Variants in MTCL1 observed in about 807,000 individuals in gnomAD.
MTCL1 encodes microtubule crosslinking factor 1.
A neutral mutation model predicts 141.4 loss-of-function variants in MTCL1; 79 were observed. The observed-to-expected ratio is 0.56, with a 90% CI of 0.47 to 0.67. The LOEUF (loss-of-function observed/expected upper bound fraction) is 0.67. Among genes scored for constraint, MTCL1 ranks in the 30% least tolerant of loss-of-function variants. The probability of loss-of-function intolerance (pLI) is 0.00; values close to 1 mark genes in which losing one functional copy is unlikely to be tolerated. For missense variants in MTCL1, 2,177 were observed against 2,113.9 expected (o/e 1.03, Z -0.59); for synonymous variants, 914 against 875.8 (o/e 1.04, Z -0.77).
At chr18:8,802,801 T>C (rs904322560) in intron 10 of MTCL1, among the ~76,000 whole-genome samples, 2 of 152,226 alleles carry the variant, frequency 1.3e-5, no homozygotes, top group Non-Finnish European at 2.9e-5. Context: ...ATCAGCCAGC[T>C]GATCTCTGAA....
chr18:8,756,033 A>T (rs979411727), intron 4 of MTCL1, among the ~76,000 whole-genome samples: 1 of 152,204 alleles, frequency 6.6e-6, no homozygotes, highest in Admixed American at 6.5e-5. Context: ...GCTACTCAGG[A>T]GGCTGAGGTG....
intron 4 of MTCL1, among the ~76,000 whole-genome samples, chr18:8,775,408 T>TA (rs780102071): frequency 0.042 from 3,948 of 92,914 alleles, 179 homozygotes; most frequent in African/African-American, 0.12. Context: ...TCGTCTCTAC[T>TA]AAAAAAAAAA....
At chr18:8,718,769 T>C in intron 3 of MTCL1, 121 bp downstream of exon 2, 1 of 887,712 alleles carries the variant, frequency 1.1e-6, no homozygotes, top group South Asian at 1.5e-5. Flanking sequence ...GCATAAACAG[T>C]CTTGGTTTGC....
chr18:8,792,428 G>A lies in MTCL1; in HGVS notation c.1888-570G>A, dbSNP rs570766773. ...ATGTGCCGTTGGGAGGCCTGAAGCC[G>A]TGCATCTCTGCTCATTGATGAACCC... On this transcript the variant is annotated intron_variant, in intron 7 of 16. Coordinates refer to ENST00000359865, the Ensembl canonical transcript of MTCL1. 9.2e-5 allele frequency among the ~76,000 whole-genome samples: 14 copies of A among 152,326 alleles called. 1 individual carries two copies. The highest frequency in any genetic ancestry group is 3.4e-4 in the African/African-American group (14 of 41,560).
chr18:8,762,415 T>G (rs567755122), intron 4 of MTCL1, among the ~76,000 whole-genome samples: 2 of 152,370 alleles, frequency 1.3e-5, no homozygotes, highest in South Asian at 4.1e-4. Context: ...CTGCCGCGAC[T>G]GCTCTCAGCC....
chr18:8,825,154 C>G (rs752665841), exon 15 of MTCL1: 11 of 1,583,180 alleles, frequency 6.9e-6, no homozygotes, highest in South Asian at 3.5e-5. Context: ...GGTCCCTTTC[C>G]CACAAGCAGA....
At chr18:8,781,792 G>A (rs1263258297) in intron 5 of MTCL1, among the ~76,000 whole-genome samples, 1 of 152,210 alleles carries the variant, frequency 6.6e-6, no homozygotes, top group African/African-American at 2.4e-5. Flanking sequence ...TAGACAGTAG[G>A]AGGGGCAAAG....
Position 8,828,320 on chromosome 18 carries a change from A to G in MTCL1, c.4723-588A>G, listed in dbSNP as rs1228580282. 6.6e-6 allele frequency among the ~76,000 whole-genome samples: 1 copy of G among 151,754 alleles called. No homozygotes were observed. Among genetic ancestry groups the G allele is most frequent in the South Asian group, 2.1e-4 (1 of 4,774 alleles). On this transcript the variant is annotated intron_variant, in intron 15 of 16. Coordinates refer to ENST00000359865, the Ensembl canonical transcript of MTCL1. The surrounding 1 kb of genome is among the most constrained non-coding windows in gnomAD (Gnocchi z 5.2). ...TCACTGCACTGTCATCCCATAAGCC[A>G]CTCGGGCCTCTTTTTCTCTTGACAC...
intron 10 of MTCL1, chr18:8,800,849 T>A (rs1269000911): frequency 6.6e-6 from 1 of 150,460 alleles, no homozygotes. Context: ...TTAACTGATT[T>A]GAAAAGAAGT....
chr18:8,772,153 G>T (rs1427250410), intron 4 of MTCL1, among the ~76,000 whole-genome samples: 1 of 152,326 alleles, frequency 6.6e-6, no homozygotes, highest in East Asian at 1.9e-4. Context: ...CTTGGCCAGG[G>T]GACCATATGC....
intron 2 of MTCL1, chr18:8,718,042 C>G: frequency 3.4e-6 from 3 of 883,680 alleles, no homozygotes; most frequent in Non-Finnish European, 4.2e-6. Flanking sequence ...CCGTATGATT[C>G]ATCTTAGTAC....
rs563929530 is a variant in MTCL1, at chr18:8,729,390, G to C, written c.357+8894G>C. Among the ~76,000 whole-genome samples, 20 of 151,712 alleles carry C rather than the reference G, an allele frequency of 1.3e-4. No homozygotes were observed. In the South Asian group the frequency reaches 2.3e-3, roughly 17 times the overall value. On this transcript the variant is annotated intron_variant, in intron 4 of 16. Transcript: ENST00000359865. ...CATTGTTGAGTTTTGAGAGTTCTTT[G>C]TACATTAAGTTAATTAATTAAAATT...
At chr18:8,778,996 A>G (rs931858942) in intron 5 of MTCL1, among the ~76,000 whole-genome samples, 8 of 152,184 alleles carry the variant, frequency 5.3e-5, no homozygotes, top group African/African-American at 1.9e-4. Flanking sequence ...CCGCCCACCC[A>G]GCCGGTGGGA....
At chr18:8,781,833 A>G (rs1429253717) in intron 5 of MTCL1, among the ~76,000 whole-genome samples, 1 of 152,316 alleles carries the variant, frequency 6.6e-6, no homozygotes, top group Admixed American at 6.5e-5. Context: ...TTTGACCCCA[A>G]GTCCAGCAGG....
chr18:8,783,764 G>C (rs199804867), exon 6 of MTCL1: 4 of 1,612,888 alleles, frequency 2.5e-6, no homozygotes, highest in Non-Finnish European at 3.4e-6. Context: ...GGAGGAGGAA[G>C]CCAACATCTT....
rs1437228101 is a variant in MTCL1, at chr18:8,784,116, A to C, written c.1004A>C (p.Gln335Pro). The C allele has an allele frequency of 6.2e-7, 1 of 1,613,502 alleles. No individual in the cohort carries two copies. The highest frequency in any genetic ancestry group is 2.2e-5 in the East Asian group (1 of 44,840). The change falls in exon 6 of 17, where the codon CAG becomes CCG. Residue 335 changes from glutamine to proline, a missense_variant. Transcript: ENST00000359865. ...GGTGCCGGGGGTGGGGCCCCCCTGCAGGAGGAGCTGAAGTCAGCCAGGCTG... is the reference window on the plus strand; with the variant it reads ...GGTGCCGGGGGTGGGGCCCCCCTGCCGGAGGAGCTGAAGTCAGCCAGGCTG...
At chr18:8,724,200 A>G (rs2096192497) in intron 4 of MTCL1, among the ~76,000 whole-genome samples, 1 of 152,132 alleles carries the variant, frequency 6.6e-6, no homozygotes, top group Non-Finnish European at 1.5e-5. Context: ...ACCTGAGGTT[A>G]GGAGTTCGAG....
intron 4 of MTCL1, among the ~76,000 whole-genome samples, chr18:8,726,266 T>G (rs1352278247): frequency 2.1e-5 from 3 of 144,866 alleles, no homozygotes; most frequent in African/African-American, 7.6e-5. Flanking sequence ...TGGCTTGGGA[T>G]AGCTTTTTTT....
rs1282684255 is a variant in MTCL1 at position 8,718,737 on chromosome 18, G to A, written c.198+89G>A. The A allele has an allele frequency of 3.4e-6, 4 of 1,176,242 alleles. No homozygotes were observed. The East Asian group carries it at 9.4e-5, about 28-fold the overall frequency. The allele number at this position is 1,176,242 out of a possible 1,614,324, so 72.9% of individuals were successfully genotyped here. A position where few individuals can be genotyped will look rare whatever the true frequency, so the allele number is the denominator to read the frequency against. ...TTGCCCTGGTGTTTTTTCCCTGCTT[G>A]TGTCTGTCTCTACAGATTGCAGCAT... is the stretch of plus-strand genomic sequence containing the variant. On this transcript the variant is annotated intron_variant, in intron 3 of 16. Coordinates refer to ENST00000359865, the Ensembl canonical transcript of MTCL1.
Sources: gnomAD v4.1 joint callset for allele counts (sites outside exome capture counted in the v4.1 genomes callset) on GRCh38, gnomAD v4.1.1 for gene constraint, Gnocchi (gnomAD v3.1) non-coding constraint, MANE v1.5 for transcripts, NCBI Gene and HGNC (gene_info 2026-07-23, HGNC 2026-07-21) for gene names.